RUNDC3A: variants seen among roughly 807,000 people sequenced by gnomAD.
RUNDC3A encodes the protein RUN domain containing 3A.
RUNDC3A carries 28 observed loss-of-function variants against 53.9 expected under a neutral mutation model. The ratio of observed to expected loss-of-function variants is 0.52; its 90% CI spans 0.38 to 0.71. The LOEUF is 0.71. RUNDC3A is among the 30% of genes least tolerant of loss of function. RUNDC3A has a pLI of 0.00. For missense variants in RUNDC3A, 491 were observed against 597.3 expected, an observed-to-expected ratio of 0.82 and a Z score of 1.85; for synonymous variants, 232 against 249.4, an observed-to-expected ratio of 0.93 and a Z score of 0.66.
chr17:44,310,406 C>T (rs115243287), intron 1 of RUNDC3A, among the ~76,000 whole-genome samples: 2,737 of 152,308 alleles, frequency 0.018, 58 homozygotes, highest in African/African-American at 0.05. Flanking sequence ...TTTCTCTTGC[C>T]TGCCAAGGTA....
Position 44,312,586 on chromosome 17 carries a change from T to C in RUNDC3A, c.114T>C (p.Ser38=), listed in dbSNP as rs779641434. ...RKNLITVCRF[S]VKTLLEKYTA... ...TCCCCACCTCGCCGCCCAGGTTCTCTGTGAAAACGCTGCTGGAGAAGTACA... is the reference window on the plus strand; with the variant it reads ...TCCCCACCTCGCCGCCCAGGTTCTCCGTGAAAACGCTGCTGGAGAAGTACA... Residue 38 remains serine (S), a synonymous_variant, in exon 2 of 11, where the codon TCT becomes TCC. Transcript: ENST00000426726. 49 of 1,565,902 alleles carry C rather than the reference T, an allele frequency of 3.1e-5. 2 individuals are homozygous for C. The Middle Eastern group carries it at 2.2e-3, about 69-fold the overall frequency.
intron 4 of RUNDC3A, 51 bp from the exon 5 acceptor site, chr17:44,314,684 G>GC: frequency 5.7e-6 from 7 of 1,237,322 alleles, no homozygotes; most frequent in Non-Finnish European, 6.7e-6. Context: ...TGGGGGGGGG[G>GC]GGGGCGCTCC....
chr17:44,318,190 C>A lies in RUNDC3A; in HGVS notation c.1293C>A (p.Cys431Ter). 1 of 1,551,456 alleles carries A rather than the reference C, an allele frequency of 6.4e-7. No homozygotes were observed. The highest frequency in any genetic ancestry group is 8.7e-7 in the Non-Finnish European group (1 of 1,147,004). The change falls in exon 11 of 11, where the codon TGC (cysteine) becomes TGA (stop). Residue 431 changes from cysteine (C) to a stop codon, truncating the protein, a stop_gained. Transcript: ENST00000426726. LOFTEE classifies it high-confidence loss of function. ...KSLASFKSNE[C>*]LVSDSPEGSP... is the part of the protein sequence containing the mutation. Reference sequence around the variant, plus strand: ...TGGCGAGCTTCAAATCCAACGAGTGCCTGGTGAGCGACAGTCCCGAGGGCA... The same window carrying A: ...TGGCGAGCTTCAAATCCAACGAGTGACTGGTGAGCGACAGTCCCGAGGGCA...
Position 44,315,046 on chromosome 17 carries a change from G to C in RUNDC3A, c.629+37G>C. 3 of 1,612,390 alleles carry C rather than the reference G, an allele frequency of 1.9e-6. No individual in the cohort carries two copies. The highest frequency in any genetic ancestry group is 2.5e-6 in the Non-Finnish European group (3 of 1,179,554). Reference sequence around the variant, plus strand: ...CATGACTGCGGCGGGGCGGGGGACGGGGCCTCGGGACATCCTGGGGACGTC... The same window carrying C: ...CATGACTGCGGCGGGGCGGGGGACGCGGCCTCGGGACATCCTGGGGACGTC... On this transcript the variant is annotated intron_variant, in intron 6 of 10. Coordinates refer to ENST00000426726, the MANE Select transcript of RUNDC3A (RefSeq NM_001144825.2). This position sits in a 1 kb window ranked among gnomAD's most constrained non-coding sequence, Gnocchi z 6.1.
Position 44,318,489 on chromosome 17 carries a change from C to T in RUNDC3A, c.*251C>T, listed in dbSNP as rs563475586. 8 of 523,196 alleles carry T rather than the reference C, an allele frequency of 1.5e-5. No individual in the cohort carries two copies. The highest frequency in any genetic ancestry group is 2.8e-5 in the Non-Finnish European group (8 of 289,882). The allele number at this position is 523,196 out of a possible 1,614,324, so 32.4% of individuals were successfully genotyped here. On this transcript the variant is annotated 3_prime_UTR_variant, in exon 11 of 11. Transcript: ENST00000426726. ...AGGGAGCCCCTGGGGAAGCCTGCTC[C>T]ATTCTTCTGGTGACCTTGGCGCTCC... is the stretch of plus-strand genomic sequence containing the variant.
At position 44,315,752 on chromosome 17, in the gene RUNDC3A, C is replaced by T; in HGVS notation, c.953+143C>T. On this transcript the variant is annotated intron_variant, in intron 8 of 10. Coordinates refer to ENST00000426726, the MANE Select transcript of RUNDC3A (RefSeq NM_001144825.2). The surrounding 1 kb of genome is among the most constrained non-coding windows in gnomAD (Gnocchi z 6.1). ...AGCATCAACCCTCTGATCCAGCCAG[C>T]CCCACCCCGAGATGCCCACAATGAT... 1.4e-6 allele frequency: 1 copy of T among 717,554 alleles called. No homozygotes were observed. Among genetic ancestry groups the T allele is most frequent in the South Asian group, 3.7e-5 (1 of 27,268 alleles). The allele number at this position is 717,554 out of a possible 1,614,324, so 44.4% of individuals were successfully genotyped here.
chr17:44,316,631 G>C lies in RUNDC3A; in HGVS notation c.1104G>C (p.Met368Ile). The change falls in exon 10 of 11, where the codon ATG becomes ATC. Residue 368 changes from methionine (M) to isoleucine (I), a missense_variant. Met to Ile is a conservative substitution (Grantham distance 10). This residue lies in a region of RUNDC3A where 218 missense variants were observed against 208.2 expected (regional missense o/e 1.05). Coordinates refer to ENST00000426726, the MANE Select transcript of RUNDC3A (RefSeq NM_001144825.2). ...NSKLYRRHSF[M>I]STEPLSAEAS... ...CGCTCTGCCGCAGACACAGCTTCAT[G>C]AGCACGGAGCCGCTGTCAGCTGAAG... 1 of 1,551,316 alleles carries C rather than the reference G, an allele frequency of 6.4e-7. No individual in the cohort carries two copies. Among genetic ancestry groups the C allele is most frequent in the Non-Finnish European group, 8.7e-7 (1 of 1,147,240 alleles).
rs866660091 is a variant in RUNDC3A, at chr17:44,312,638, G to A, written c.166G>A (p.Glu56Lys). The A allele has an allele frequency of 1.3e-6, 2 of 1,588,042 alleles. No homozygotes were observed. The highest frequency in any genetic ancestry group is 1.7e-6 in the Non-Finnish European group (2 of 1,167,602). The change falls in exon 2 of 11, where the codon GAG becomes AAG. Residue 56 changes from glutamate to lysine, a missense_variant. By Grantham distance (56) the Glu-to-Lys change is moderately conservative. Transcript: ENST00000426726. ...AGCGGAGCCCATCGATGACTCATCG[G>A]AGGAGTTTGTCAATTTTGCAGCCAT... ...YTAEPIDDSSEEFVNFAAILE... is the reference protein window; with the variant it reads ...YTAEPIDDSSKEFVNFAAILE...
At chr17:44,313,678 C>CTTT (rs1173378367) in intron 4 of RUNDC3A, 175 bp downstream of exon 4, 744 of 1,079,364 alleles carry the variant, frequency 6.9e-4, no homozygotes, top group South Asian at 1.7e-3. Context: ...AGGACGAACT[C>CTTT]TTTTTTTTTT....
At position 44,315,357 on chromosome 17, in the gene RUNDC3A, C is replaced by A; in HGVS notation, c.795+37C>A. 2.6e-6 allele frequency: 2 copies of A among 760,000 alleles called. No individual in the cohort carries two copies. The highest frequency in any genetic ancestry group is 3.3e-6 in the Non-Finnish European group (2 of 602,206). The allele number at this position is 760,000 out of a possible 1,614,324, so 47.1% of individuals were successfully genotyped here. ...CGGCGGGCCCGGGGGGCGGGCGGGCCGGGCGGGGGATCCGGGCATCCCGGG... is the reference window on the plus strand; with the variant it reads ...CGGCGGGCCCGGGGGGCGGGCGGGCAGGGCGGGGGATCCGGGCATCCCGGG... On this transcript the variant is annotated intron_variant, in intron 7 of 10. Coordinates refer to ENST00000426726, the MANE Select transcript of RUNDC3A (RefSeq NM_001144825.2). The surrounding 1 kb of genome is among the most constrained non-coding windows in gnomAD (Gnocchi z 6.1).
In RUNDC3A at chr17:44,315,639, C is replaced by T. The variant is rs776909917; in HGVS notation, c.953+30C>T. 13 of 1,381,328 alleles carry T rather than the reference C, an allele frequency of 9.4e-6. No individual in the cohort carries two copies. The South Asian group carries it at 2.1e-4, about 22-fold the overall frequency. 85.6% of individuals were successfully genotyped at this position (1,381,328 alleles called of 1,614,324 possible). On this transcript the variant is annotated intron_variant, in intron 8 of 10. Coordinates refer to ENST00000426726, the MANE Select transcript of RUNDC3A (RefSeq NM_001144825.2). The surrounding 1 kb of genome is among the most constrained non-coding windows in gnomAD (Gnocchi z 6.1). ...GCGCACGGCCTGCCCTAACCCCTGACCCCCGCCGCCCCGACCACATCACCG... is the reference window on the plus strand; with the variant it reads ...GCGCACGGCCTGCCCTAACCCCTGATCCCCGCCGCCCCGACCACATCACCG...
Position 44,318,281 on chromosome 17 carries a change from G to A in RUNDC3A, c.*43G>A, listed in dbSNP as rs1311842689. ...GCCAGCCCCACCTGCCAGGGGCCAT[G>A]GACACCTGCCACCTTTCTTCAACAA... is the stretch of plus-strand genomic sequence containing the variant. On this transcript the variant is annotated 3_prime_UTR_variant, in exon 11 of 11. Coordinates refer to ENST00000426726, the MANE Select transcript of RUNDC3A (RefSeq NM_001144825.2). The A allele has an allele frequency of 3.9e-6, 6 of 1,526,952 alleles. No homozygotes were observed. Among genetic ancestry groups the A allele is most frequent in the East Asian group, 5.0e-5 (2 of 40,336 alleles). The allele number at this position is 1,526,952 out of a possible 1,614,324, so 94.6% of individuals were successfully genotyped here. A position where few individuals can be genotyped will look rare whatever the true frequency, so the allele number is the denominator to read the frequency against.
At chr17:44,313,644 T>A in intron 4 of RUNDC3A, 141 bp downstream of exon 4, 2 of 1,353,962 alleles carry the variant, frequency 1.5e-6, no homozygotes, top group South Asian at 1.7e-5. Context: ...CTGATTTCCC[T>A]CTTCCAGCCT....
At chr17:44,313,980 CTT>C (rs2047802433) in intron 4 of RUNDC3A, 1 of 992,086 alleles carries the variant, frequency 1.0e-6, no homozygotes, top group South Asian at 4.6e-5. Context: ...CCAGGACAAA[CTT>C]TTACCACCAC....
chr17:44,315,353 G>A lies in RUNDC3A; in HGVS notation c.795+33G>A, dbSNP rs1398800177. The stretch of plus-strand genomic sequence containing the variant: ...ACGCCGGCGGGCCCGGGGGGCGGGC[G>A]GGCCGGGCGGGGGATCCGGGCATCC... On this transcript the variant is annotated intron_variant, in intron 7 of 10. Transcript: ENST00000426726. The surrounding 1 kb of genome is among the most constrained non-coding windows in gnomAD (Gnocchi z 6.1). 8.4e-6 allele frequency: 11 copies of A among 1,309,220 alleles called. No individual in the cohort carries two copies. Among genetic ancestry groups the A allele is most frequent in the Non-Finnish European group, 1.1e-5 (11 of 1,023,280 alleles). The allele number at this position is 1,309,220 out of a possible 1,614,324, so 81.1% of individuals were successfully genotyped here.
intron 10 of RUNDC3A, chr17:44,317,710 C>G: frequency 4.8e-6 from 3 of 628,834 alleles, no homozygotes; most frequent in Non-Finnish European, 5.8e-6. Flanking sequence ...CCCCATCACA[C>G]TGTGTTTGTG....
intron 1 of RUNDC3A, chr17:44,309,920 C>T (rs1456334807): frequency 2.6e-5 from 4 of 153,330 alleles, no homozygotes; most frequent in African/African-American, 4.8e-5. Context: ...CTCCTGGCTC[C>T]CATAGCTCCT....
intron 1 of RUNDC3A, among the ~76,000 whole-genome samples, chr17:44,312,222 A>G (rs1180431079): frequency 6.6e-6 from 1 of 152,140 alleles, no homozygotes; most frequent in Non-Finnish European, 1.5e-5. Flanking sequence ...AGGGTGGTCT[A>G]TGGGGAAGGG....
chr17:44,310,402 T>C (rs1428540840), intron 1 of RUNDC3A, among the ~76,000 whole-genome samples: 4 of 152,184 alleles, frequency 2.6e-5, no homozygotes, highest in African/African-American at 9.7e-5. Flanking sequence ...TCTTTTTCTC[T>C]TGCCTGCCAA....
Sources: allele counts gnomAD v4.1 joint callset (sites outside exome capture counted in the v4.1 genomes callset), GRCh38; gene constraint gnomAD v4.1.1; regional missense constraint gnomAD v4.1.1; non-coding constraint Gnocchi (gnomAD v3.1); transcripts MANE v1.5; gene names NCBI Gene and HGNC (gene_info 2026-07-23, HGNC 2026-07-21).